GPT2: variants seen among roughly 807,000 people sequenced by gnomAD.
GPT2 encodes the protein glutamic--pyruvic transaminase 2, also known as alanine aminotransferase 2.
Under a neutral mutation model 56.9 loss-of-function variants are expected in GPT2, and 30 were observed. The ratio of observed to expected loss-of-function variants is 0.53; its 90% CI spans 0.39 to 0.72. The LOEUF (loss-of-function observed/expected upper bound fraction) is 0.72, where lower values mean the gene tolerates loss of function less well. GPT2 is among the 30% of genes least tolerant of loss of function. GPT2 has a pLI of 0.00. For missense variants in GPT2, 542 were observed against 703.4 expected (o/e 0.77, Z 2.60); for synonymous variants, 271 against 283.1 (o/e 0.96, Z 0.43).
chr16:46,919,344 C>T (rs970919949), intron 8 of GPT2, among the ~76,000 whole-genome samples: 5 of 152,044 alleles, frequency 3.3e-5, no homozygotes, highest in South Asian at 2.1e-4. Flanking sequence ...GTGCGTCCCA[C>T]GGAGAACAGT....
At chr16:46,925,319 T>C (rs2143566423) in intron 10 of GPT2, among the ~76,000 whole-genome samples, 1 of 152,202 alleles carries the variant, frequency 6.6e-6, no homozygotes, top group East Asian at 1.9e-4. Flanking sequence ...CCTCCCGGGT[T>C]CGCTCCATTC....
rs1186904726 is a variant in GPT2, at chr16:46,929,495, C to T, written c.*498C>T. On this transcript the variant is annotated 3_prime_UTR_variant, in exon 12 of 12. Transcript: ENST00000340124. ...CCCCTGGGGCTGAGAAAGGGTCCGCCCGGTGGCCTGGAGGCAGGCGCCGGG... is the reference window on the plus strand; with the variant it reads ...CCCCTGGGGCTGAGAAAGGGTCCGCTCGGTGGCCTGGAGGCAGGCGCCGGG... The T allele has an allele frequency of 6.2e-6, 1 of 161,828 alleles. No homozygotes were observed. Among genetic ancestry groups the T allele is most frequent in the Non-Finnish European group, 1.4e-5 (1 of 73,304 alleles). 10.0% of individuals were successfully genotyped at this position (161,828 alleles called of 1,614,324 possible). A position where few individuals can be genotyped will look rare whatever the true frequency, so the allele number is the denominator to read the frequency against.
chr16:46,926,906 G>A lies in GPT2; in HGVS notation c.1369-19G>A. 1.3e-6 allele frequency: 2 copies of A among 1,482,710 alleles called. No individual in the cohort carries two copies. Among genetic ancestry groups the A allele is most frequent in the Non-Finnish European group, 1.8e-6 (2 of 1,101,652 alleles). The allele number at this position is 1,482,710 out of a possible 1,614,324, so 91.8% of individuals were successfully genotyped here. On this transcript the variant is annotated intron_variant, in intron 10 of 11. Transcript: ENST00000340124. Reference sequence around the variant, plus strand: ...TTTGCAAAGCCAGGAATGATCATGAGCTCTGTCTGCTCCCATAGGCCCATC... The same window carrying A: ...TTTGCAAAGCCAGGAATGATCATGAACTCTGTCTGCTCCCATAGGCCCATC...
chr16:46,884,681 C>T lies in GPT2; in HGVS notation c.-22-13C>T. The T allele has an allele frequency of 7.3e-7, 1 of 1,367,112 alleles. No individual in the cohort carries two copies. Among genetic ancestry groups the T allele is most frequent in the Non-Finnish European group, 9.5e-7 (1 of 1,057,906 alleles). 84.7% of individuals were successfully genotyped at this position (1,367,112 alleles called of 1,614,324 possible). On this transcript the variant is annotated splice_polypyrimidine_tract_variant and intron_variant, in intron 1 of 11. Transcript: ENST00000340124. ...TGCGCGACGTGTTTGTTCTTTTTCT[C>T]TTTTTGTGCCAGGGTTTCTCTCCGC...
chr16:46,902,492 C>T (rs373616358), intron 4 of GPT2, among the ~76,000 whole-genome samples: 2 of 152,272 alleles, frequency 1.3e-5, no homozygotes, highest in South Asian at 2.1e-4. Context: ...CTGTCACCTA[C>T]GCTCTGGGCA....
chr16:46,915,549 AC>A (rs1961133792), intron 6 of GPT2: 1 of 137,266 alleles, frequency 7.3e-6, no homozygotes, highest in Non-Finnish European at 1.6e-5. Context: ...ACACTCTTAC[AC>A]CCCACCACAC....
chr16:46,904,454 G>C (rs766002128), intron 4 of GPT2, among the ~76,000 whole-genome samples: 7 of 152,190 alleles, frequency 4.6e-5, no homozygotes, highest in Non-Finnish European at 7.3e-5. Context: ...GAAATTATAG[G>C]CTGAGAGATT....
chr16:46,884,676 T>C lies in GPT2; in HGVS notation c.-22-18T>C. The C allele has an allele frequency of 7.3e-7, 1 of 1,364,970 alleles. No homozygotes were observed. The highest frequency in any genetic ancestry group is 9.5e-7 in the Non-Finnish European group (1 of 1,056,794). The allele number at this position is 1,364,970 out of a possible 1,614,324, so 84.6% of individuals were successfully genotyped here. ...GGCAGTGCGCGACGTGTTTGTTCTTTTTCTCTTTTTGTGCCAGGGTTTCTC... is the reference window on the plus strand; with the variant it reads ...GGCAGTGCGCGACGTGTTTGTTCTTCTTCTCTTTTTGTGCCAGGGTTTCTC... On this transcript the variant is annotated intron_variant, in intron 1 of 11. Transcript: ENST00000340124.
At chr16:46,918,819 C>A in intron 8 of GPT2, 62 bp downstream of exon 8, 1 of 1,591,832 alleles carries the variant, frequency 6.3e-7, no homozygotes, top group Non-Finnish European at 8.6e-7. Flanking sequence ...GCTGCCGGCT[C>A]CTCTGCCCTG....
Position 46,909,727 on chromosome 16 carries a change from C to T in GPT2, c.620C>T (p.Thr207Ile), listed in dbSNP as rs1961006387. ...ILVSGGGKSR[T>I]GVMIPIPQYP... ...GTCTCCGGGGGCGGCAAGTCACGGA[C>T]AGGTGTGATGATCCCCATCCCACAA... The change falls in exon 6 of 12, where the codon ACA becomes ATA. Residue 207 changes from threonine to isoleucine, a missense_variant. By Grantham distance (89) the Thr-to-Ile change is moderately conservative (BLOSUM62 -1). Transcript: ENST00000340124. The T allele has an allele frequency of 6.2e-7, 1 of 1,614,108 alleles. No individual in the cohort carries two copies. The highest frequency in any genetic ancestry group is 8.5e-7 in the Non-Finnish European group (1 of 1,180,000).
In GPT2 at chr16:46,916,646, A is replaced by T; in HGVS notation, c.839A>T (p.Lys280Met). Residue 280 changes from lysine to methionine, a missense_variant, in exon 7 of 12, where the codon AAG (lysine) becomes ATG (methionine). Lys to Met is a moderately conservative substitution (Grantham distance 95). Transcript: ENST00000340124. ...TTTATAGGCCAGGTACAAAGCAGAA[A>T]GTGCATAGAAGATGTGATCCACTTT... is the stretch of plus-strand genomic sequence containing the variant. The part of the protein sequence containing the change: ...GNPTGQVQSR[K>M]CIEDVIHFAW... 6.2e-7 allele frequency: 1 copy of T among 1,613,944 alleles called. No individual in the cohort carries two copies. The highest frequency in any genetic ancestry group is 1.1e-5 in the South Asian group (1 of 91,078).
Position 46,888,432 on chromosome 16 carries a change from C to T in GPT2, c.243+3474C>T, listed in dbSNP as rs190702806. Among the ~76,000 whole-genome samples, 58 of 152,134 alleles carry T rather than the reference C, an allele frequency of 3.8e-4. No homozygotes were observed. The East Asian group carries it at 0.01, about 27-fold the overall frequency. On this transcript the variant is annotated intron_variant, in intron 2 of 11. Transcript: ENST00000340124. ...TGCGATCTCATCTCACTGCAACCTC[C>T]GCCTCCCGGGTTGAAGTGATCCTCC...
chr16:46,898,947 CATATATGTGTATATATAT>C (rs1567335034), intron 3 of GPT2, among the ~76,000 whole-genome samples: 47 of 136,554 alleles, frequency 3.4e-4, no homozygotes, highest in East Asian at 1.2e-3. Flanking sequence ...TATACACACA[CATATATGTGTATATATAT>C]ACACACACAC....
chr16:46,909,753 T>C lies in GPT2; in HGVS notation c.646T>C (p.Tyr216His), dbSNP rs773812353. 3.7e-6 allele frequency: 6 copies of C among 1,613,996 alleles called. No individual in the cohort carries two copies. Among genetic ancestry groups the C allele is most frequent in the African/African-American group, 1.3e-5 (1 of 74,902 alleles). Residue 216 changes from tyrosine (Y) to histidine (H), a missense_variant, in exon 6 of 12, where the codon TAT (tyrosine) becomes CAT (histidine). Physicochemically the swap from Tyr to His is moderately conservative, Grantham distance 83. Transcript: ENST00000340124. ...RTGVMIPIPQ[Y>H]PLYSAVISEL... is the part of the protein sequence containing the mutation. ...AGGTGTGATGATCCCCATCCCACAA[T>C]ATCCCCTCTATTCAGCTGTCATCTC...
intron 5 of GPT2, among the ~76,000 whole-genome samples, chr16:46,909,371 G>A (rs754827916): frequency 9.9e-5 from 15 of 151,946 alleles, no homozygotes; most frequent in Non-Finnish European, 1.3e-4. Context: ...GGCTGGTCTC[G>A]AACTCTTGGC....
intron 5 of GPT2, among the ~76,000 whole-genome samples, chr16:46,907,930 G>A (rs1960966911): frequency 6.6e-6 from 1 of 152,078 alleles, no homozygotes; most frequent in South Asian, 2.1e-4. Context: ...ACTTGCAGTG[G>A]AGTCTACAGT....
chr16:46,929,257 A>G lies in GPT2; in HGVS notation c.*260A>G, dbSNP rs1179619054. 1.4e-5 allele frequency: 6 copies of G among 442,560 alleles called. No homozygotes were observed. The highest frequency in any genetic ancestry group is 9.8e-5 in the African/African-American group (5 of 51,222). The allele number at this position is 442,560 out of a possible 1,614,324, so 27.4% of individuals were successfully genotyped here. ...GTGACCAGGGTTCTCTGAATCTGTT[A>G]TTGTTTTTGCTTCTGGAAAGTTCAT... On this transcript the variant is annotated 3_prime_UTR_variant, in exon 12 of 12. Coordinates refer to ENST00000340124, the MANE Select transcript of GPT2 (RefSeq NM_133443.4).
chr16:46,886,059 A>G (rs1395192109), intron 2 of GPT2, among the ~76,000 whole-genome samples: 2 of 152,104 alleles, frequency 1.3e-5, no homozygotes, highest in African/African-American at 2.4e-5. Context: ...GGGCCTCCTG[A>G]GACCTTGTTG....
chr16:46,892,739 C>T (rs1960608889), intron 2 of GPT2, among the ~76,000 whole-genome samples: 1 of 152,080 alleles, frequency 6.6e-6, no homozygotes, highest in South Asian at 2.1e-4. Flanking sequence ...CTCTTCACAT[C>T]CTTTGTTCAT....
Sources: gnomAD v4.1 joint callset for allele counts (sites outside exome capture counted in the v4.1 genomes callset) on GRCh38, gnomAD v4.1.1 for gene constraint, MANE v1.5 for transcripts, NCBI Gene and HGNC (gene_info 2026-07-23, HGNC 2026-07-21) for gene names.